Variants in STK38 observed in about 807,000 individuals in gnomAD.
STK38 encodes serine/threonine kinase 38, also known as serine/threonine-protein kinase 38.
In STK38, 26 loss-of-function variants were observed where a neutral mutation model predicts 59.0. The observed-to-expected ratio is 0.44, with a 90% CI of 0.32 to 0.61. The LOEUF (loss-of-function observed/expected upper bound fraction) is 0.61. Among genes scored for constraint, STK38 ranks in the 20% least tolerant of loss-of-function variants. The pLI, the probability that STK38 is intolerant of heterozygous loss-of-function variation, is 0.04. For synonymous variants in STK38, 175 were observed against 176.6 expected (o/e 0.99, Z 0.07); for missense variants, 433 against 566.0 (o/e 0.76, Z 2.38).
chr6:36,512,710 A>G (rs1237490411), intron 7 of STK38, among the ~76,000 whole-genome samples: 1 of 151,840 alleles, frequency 6.6e-6, no homozygotes, highest in African/African-American at 2.4e-5. Context: ...GCCAGGCTGG[A>G]GTGCAGTGGC....
Position 36,507,535 on chromosome 6 carries a change from T to C in STK38, c.737A>G (p.Tyr246Cys). ...GGGGAGGCTGTGGTTCAGATTCCTA[T>C]AAAATTCTGTCCTATGTGCTTTTTT... is the stretch of plus-strand genomic sequence containing the variant. ...GLKKAHRTEF[Y>C]RNLNHSLPSD... Residue 246 changes from tyrosine to cysteine, a missense_variant, in exon 8 of 14, where the codon TAT becomes TGT. This residue lies in a region of STK38 where 293 missense variants were observed against 388.2 expected (regional missense o/e 0.75). Coordinates refer to ENST00000229812, the MANE Select transcript of STK38 (RefSeq NM_007271.4). 6.2e-7 allele frequency: 1 copy of C among 1,614,150 alleles called. No homozygotes were observed. The highest frequency in any genetic ancestry group is 8.5e-7 in the Non-Finnish European group (1 of 1,180,008).
intron 1 of STK38, among the ~76,000 whole-genome samples, chr6:36,545,788 T>TG (rs1352634793): frequency 2.6e-5 from 4 of 152,140 alleles, no homozygotes; most frequent in Non-Finnish European, 5.9e-5. Context: ...AATTAGGAAA[T>TG]AATAGGTGGC....
At position 36,507,398 on chromosome 6, in the gene STK38, CA is replaced by C; in HGVS notation, c.772+101del. 4 of 973,340 alleles carry C rather than the reference CA, an allele frequency of 4.1e-6. No homozygotes were observed. The South Asian group carries it at 6.0e-5, about 15-fold the overall frequency. The allele number at this position is 973,340 out of a possible 1,614,324, so 60.3% of individuals were successfully genotyped here. ...AAGGTATTTTTATTCTCTACATACT[CA>C]AAGTGTGAGAATCTCCTATCTGTTC... On this transcript the variant is annotated intron_variant, in intron 8 of 13. Transcript: ENST00000229812.
chr6:36,530,563 C>T lies in STK38; in HGVS notation c.132-4921G>A, dbSNP rs559878630. 3.3e-5 allele frequency among the ~76,000 whole-genome samples: 5 copies of T among 151,868 alleles called. No homozygotes were observed. The East Asian group carries it at 7.9e-4, about 24-fold the overall frequency. On this transcript the variant is annotated intron_variant, in intron 2 of 13. Transcript: ENST00000229812. ...TATTTTTAGGAGAGATGGGGTTTCACCATGTTGGCCAGTCTGGTCTCGAAC... is the reference window on the plus strand; with the variant it reads ...TATTTTTAGGAGAGATGGGGTTTCATCATGTTGGCCAGTCTGGTCTCGAAC...
chr6:36,521,570 G>A (rs1379529419), intron 5 of STK38, among the ~76,000 whole-genome samples, 164 bp downstream of exon 5: 3 of 152,076 alleles, frequency 2.0e-5, no homozygotes, highest in Non-Finnish European at 4.4e-5. Flanking sequence ...TTTTAAATAT[G>A]AACTGCTTCT....
At chr6:36,523,271 T>G (rs1582439661) in intron 4 of STK38, among the ~76,000 whole-genome samples, 1 of 141,540 alleles carries the variant, frequency 7.1e-6, no homozygotes, top group Non-Finnish European at 1.5e-5. Context: ...TTTTGTTTTT[T>G]TTTTTTTTTG....
chr6:36,538,735 TACAAAAATTA>T (rs2127490809), intron 2 of STK38, among the ~76,000 whole-genome samples: 1 of 151,592 alleles, frequency 6.6e-6, no homozygotes, highest in African/African-American at 2.4e-5. Flanking sequence ...CTACTAAAAA[TACAAAAATTA>T]GCTGGGCGTG....
At position 36,517,880 on chromosome 6, in the gene STK38, T is replaced by TGC. The variant is rs1347847828; in HGVS notation, c.391-42_391-41dup. ...ATTTGATTAATGACAAAGCTTGCTC[T>TGC]GCTTTATTAGATTGTATATTTGCTT... is the stretch of plus-strand genomic sequence containing the variant. On this transcript the variant is annotated intron_variant, in intron 5 of 13. Transcript: ENST00000229812. 13 of 1,607,494 alleles carry TGC rather than the reference T, an allele frequency of 8.1e-6. No homozygotes were observed. The African/African-American group carries it at 1.2e-4, about 15-fold the overall frequency.
intron 5 of STK38, among the ~76,000 whole-genome samples, chr6:36,518,067 A>T (rs1197787141): frequency 6.6e-6 from 1 of 152,256 alleles, no homozygotes; most frequent in Non-Finnish European, 1.5e-5. Context: ...GCTTTAAAAA[A>T]TGGCAAAATG....
chr6:36,510,615 A>G (rs1582419182), intron 7 of STK38, among the ~76,000 whole-genome samples: 1 of 152,200 alleles, frequency 6.6e-6, no homozygotes, highest in Non-Finnish European at 1.5e-5. Context: ...CAGACAGGCC[A>G]CCGCTGCCAT....
intron 2 of STK38, among the ~76,000 whole-genome samples, chr6:36,532,060 A>T (rs544610527): frequency 6.6e-6 from 1 of 152,164 alleles, no homozygotes; most frequent in African/African-American, 2.4e-5. Context: ...CCTCCATCAT[A>T]TATTATCTCT....
chr6:36,533,457 A>T (rs1444144569), intron 2 of STK38, among the ~76,000 whole-genome samples: 2 of 152,192 alleles, frequency 1.3e-5, no homozygotes, highest in Admixed American at 6.5e-5. Flanking sequence ...CTGTATTTTT[A>T]AAATTTTGTT....
At chr6:36,539,558 G>C (rs1452110926) in intron 2 of STK38, among the ~76,000 whole-genome samples, 2 of 152,078 alleles carry the variant, frequency 1.3e-5, no homozygotes, top group East Asian at 3.8e-4. Flanking sequence ...AATCCTGCAA[G>C]GCAAGTAGTA....
chr6:36,507,131 T>C (rs532191721), intron 8 of STK38, among the ~76,000 whole-genome samples: 1 of 152,336 alleles, frequency 6.6e-6, no homozygotes, highest in East Asian at 1.9e-4. Context: ...CAAATGGAAG[T>C]GACTGTCATA....
At chr6:36,545,466 A>G (rs1003085684) in intron 1 of STK38, among the ~76,000 whole-genome samples, 14 of 152,144 alleles carry the variant, frequency 9.2e-5, no homozygotes, top group African/African-American at 1.2e-4. Context: ...ACAAATTCTT[A>G]AGCAGAGTGT....
At chr6:36,534,953 G>C (rs946027499) in intron 2 of STK38, among the ~76,000 whole-genome samples, 1 of 150,708 alleles carries the variant, frequency 6.6e-6, no homozygotes, top group Non-Finnish European at 1.5e-5. Flanking sequence ...AAAAAATCTA[G>C]ACTAATTAGA....
intron 1 of STK38, among the ~76,000 whole-genome samples, chr6:36,543,685 A>C (rs1257736005): frequency 6.6e-6 from 1 of 152,102 alleles, no homozygotes; most frequent in Non-Finnish European, 1.5e-5. Flanking sequence ...TCTGTCGCCC[A>C]GGCTGGAGTG....
intron 7 of STK38, among the ~76,000 whole-genome samples, chr6:36,514,848 C>CAAA (rs58614183): frequency 5.1e-5 from 4 of 77,694 alleles, no homozygotes; most frequent in Non-Finnish European, 8.5e-5. Flanking sequence ...GACTTCATCT[C>CAAA]AAAAAAAAAA....
chr6:36,497,342 AC>A (rs1269440769), intron 12 of STK38, among the ~76,000 whole-genome samples: 1 of 152,014 alleles, frequency 6.6e-6, no homozygotes, highest in Non-Finnish European at 1.5e-5. Flanking sequence ...GTAGTCTACT[AC>A]CCCCACCATA....
Sources: allele counts gnomAD v4.1 joint callset (sites outside exome capture counted in the v4.1 genomes callset), GRCh38; gene constraint gnomAD v4.1.1; regional missense constraint gnomAD v4.1.1; transcripts MANE v1.5; gene names NCBI Gene and HGNC (gene_info 2026-07-23, HGNC 2026-07-21).